The following GRM5 variants were observed in gnomAD, a reference collection of about 807,000 sequenced individuals.
The protein encoded by GRM5 is glutamate metabotropic receptor 5.
In GRM5, 19 loss-of-function variants were observed where a neutral mutation model predicts 83.1. The ratio of observed to expected loss-of-function variants is 0.23; its 90% CI spans 0.16 to 0.34. The LOEUF is 0.34. Among genes scored for constraint, GRM5 ranks in the 10% least tolerant of loss-of-function variants. The pLI is 1.00. For synonymous variants in GRM5, 675 were observed against 633.6 expected (o/e 1.07, Z -0.98); for missense variants, 1,160 against 1,588.3 (o/e 0.73, Z 4.58).
intron 2 of GRM5, among the ~76,000 whole-genome samples, chr11:88,991,844 C>A (rs1308243395): frequency 1.3e-5 from 2 of 152,034 alleles, no homozygotes; most frequent in East Asian, 1.9e-4. Flanking sequence ...CTTCCTTACA[C>A]CTTATACAAA....
intron 3 of GRM5, among the ~76,000 whole-genome samples, chr11:88,720,886 A>G (rs1259806135): frequency 4.7e-5 from 7 of 150,526 alleles, no homozygotes; most frequent in Non-Finnish European, 1.0e-4. Flanking sequence ...ACCAGTCTCT[A>G]TCAAGAGCAA....
At chr11:88,947,587 A>G (rs1391178329) in intron 2 of GRM5, among the ~76,000 whole-genome samples, 1 of 150,052 alleles carries the variant, frequency 6.7e-6, no homozygotes, top group Non-Finnish European at 1.5e-5. Flanking sequence ...TGAACTCATT[A>G]TTCAAACACC....
At chr11:88,893,156 GA>G (rs1011421809) in intron 2 of GRM5, among the ~76,000 whole-genome samples, 1 of 147,494 alleles carries the variant, frequency 6.8e-6, no homozygotes, top group African/African-American at 2.5e-5. Context: ...AAAAAAAAAA[GA>G]AAAGAAAAAA....
intron 4 of GRM5, among the ~76,000 whole-genome samples, chr11:88,615,776 A>G (rs1431365047): frequency 3.3e-5 from 5 of 152,062 alleles, no homozygotes; most frequent in Admixed American, 1.3e-4. Context: ...GTTAGTCTCA[A>G]TATTATAGAT....
intron 2 of GRM5, among the ~76,000 whole-genome samples, chr11:89,045,977 G>A (rs182991192): frequency 6.6e-6 from 1 of 152,222 alleles, no homozygotes; most frequent in Non-Finnish European, 1.5e-5. Context: ...CACAGAGGAG[G>A]AGGTGATTTT....
chr11:88,972,707 A>T (rs1201271368), intron 2 of GRM5, among the ~76,000 whole-genome samples: 3 of 152,148 alleles, frequency 2.0e-5, no homozygotes, highest in Non-Finnish European at 4.4e-5. Flanking sequence ...TGAAAAATGG[A>T]GTATTCACAT....
At chr11:88,519,515 T>G (rs1941621488) in intron 9 of GRM5, among the ~76,000 whole-genome samples, 1 of 152,118 alleles carries the variant, frequency 6.6e-6, no homozygotes, top group South Asian at 2.1e-4. Context: ...TTTACCAATT[T>G]TTTAAGGAAG....
chr11:88,666,737 TCTCA>T (rs34805715), intron 3 of GRM5, among the ~76,000 whole-genome samples: 21,232 of 152,074 alleles, frequency 0.14, 2,155 homozygotes, highest in African/African-American at 0.3. Flanking sequence ...CTTCAGATCC[TCTCA>T]CTATCAAGCT....
At chr11:89,044,462 A>G (rs1941600701) in intron 2 of GRM5, among the ~76,000 whole-genome samples, 1 of 152,046 alleles carries the variant, frequency 6.6e-6, no homozygotes, top group Middle Eastern at 3.4e-3. Flanking sequence ...TTCCTTGTAC[A>G]CTCCTCTGGA....
chr11:88,761,263 C>G (rs575340903), intron 3 of GRM5, among the ~76,000 whole-genome samples: 13 of 152,186 alleles, frequency 8.5e-5, no homozygotes, highest in African/African-American at 2.6e-4. Context: ...GTCAAACTAT[C>G]CCTGTGTACA....
At chr11:88,711,095 C>T (rs1941269959) in intron 3 of GRM5, among the ~76,000 whole-genome samples, 1 of 152,074 alleles carries the variant, frequency 6.6e-6, no homozygotes. Flanking sequence ...CCATTGGGGC[C>T]TACTTACCAG....
chr11:88,931,674 C>G lies in GRM5; in HGVS notation c.662-81519G>C, dbSNP rs148906268. Among the ~76,000 whole-genome samples, 167 of 152,134 alleles carry G rather than the reference C, an allele frequency of 1.1e-3. 3 individuals carry two copies. The East Asian group carries it at 0.027, about 24-fold the overall frequency. ...ACAGTTGTTATTGTTGTTGTTTTTC[C>G]TTTGTACCGGCTCTATATCATAAAC... On this transcript the variant is annotated intron_variant, in intron 2 of 9. Transcript: ENST00000305447.
chr11:88,993,694 T>C (rs191631476), intron 2 of GRM5, among the ~76,000 whole-genome samples: 1 of 152,240 alleles, frequency 6.6e-6, no homozygotes, highest in Admixed American at 6.5e-5. Context: ...TTCAGTAAAT[T>C]TTTTTTCTGG....
intron 3 of GRM5, among the ~76,000 whole-genome samples, chr11:88,781,846 T>G (rs1445022162): frequency 3.3e-5 from 5 of 152,200 alleles, no homozygotes; most frequent in Admixed American, 3.3e-4. Flanking sequence ...GATCCCATGC[T>G]GAGCAGAAGA....
intron 3 of GRM5, among the ~76,000 whole-genome samples, chr11:88,707,787 G>T (rs1036156132): frequency 6.6e-6 from 1 of 152,048 alleles, no homozygotes; most frequent in African/African-American, 2.4e-5. Context: ...AGCAGTACAA[G>T]ATTTGAAAAT....
At chr11:88,541,060 GT>G (rs1453467485) in intron 8 of GRM5, among the ~76,000 whole-genome samples, 1 of 151,948 alleles carries the variant, frequency 6.6e-6, no homozygotes, top group African/African-American at 2.4e-5. Flanking sequence ...CCATCACATT[GT>G]CTTAAGATTA....
chr11:88,969,369 T>C (rs1208896015), intron 2 of GRM5, among the ~76,000 whole-genome samples: 1 of 152,006 alleles, frequency 6.6e-6, no homozygotes, highest in African/African-American at 2.4e-5. Context: ...GCAGGTAGTT[T>C]TAGGTACCAA....
At chr11:88,640,030 A>G (rs905862205) in intron 4 of GRM5, among the ~76,000 whole-genome samples, 6 of 152,208 alleles carry the variant, frequency 3.9e-5, no homozygotes, top group African/African-American at 1.4e-4. Context: ...TATTTCTCTC[A>G]AAACTTCCAT....
chr11:89,049,884 G>A (rs1343213408), intron 1 of GRM5, among the ~76,000 whole-genome samples: 1 of 152,154 alleles, frequency 6.6e-6, no homozygotes, highest in Non-Finnish European at 1.5e-5. Context: ...TTAGACCCAA[G>A]CTTAAAATAA....
Sources: allele counts gnomAD v4.1 joint callset (sites outside exome capture counted in the v4.1 genomes callset), GRCh38; gene constraint gnomAD v4.1.1; transcripts MANE v1.5; gene names NCBI Gene and HGNC (gene_info 2026-07-23, HGNC 2026-07-21).